FBXO36: variants seen among roughly 807,000 people sequenced by gnomAD.
The protein encoded by FBXO36 is F-box protein 36.
A neutral mutation model predicts 17.0 loss-of-function variants in FBXO36; 18 were observed. The observed-to-expected ratio is 1.06, with a 90% CI of 0.73 to 1.57. The LOEUF is 1.57. Among genes scored for constraint, FBXO36 ranks in the 40% most tolerant of loss-of-function variants. FBXO36 has a pLI of 0.00. For synonymous variants in FBXO36, 83 were observed against 85.3 expected (o/e 0.97, Z 0.15); for missense variants, 229 against 221.9 (o/e 1.03, Z -0.20).
chr2:229,942,756 C>T (rs2077006394), intron 1 of FBXO36: 3 of 152,280 alleles, frequency 2.0e-5, no homozygotes, highest in Admixed American at 1.3e-4. Flanking sequence ...TTCTGAGCCT[C>T]AAGTTCCATT....
At chr2:229,957,773 C>CT (rs2077096507) in intron 1 of FBXO36, among the ~76,000 whole-genome samples, 2 of 152,170 alleles carry the variant, frequency 1.3e-5, no homozygotes, top group Non-Finnish European at 2.9e-5. Context: ...AGTTAACTGT[C>CT]AGCTTCTCAA....
chr2:229,978,200 A>T (rs971112031), intron 2 of FBXO36, among the ~76,000 whole-genome samples: 1 of 152,124 alleles, frequency 6.6e-6, no homozygotes, highest in African/African-American at 2.4e-5. Context: ...AGGTGGGAGG[A>T]TTGCTTGAGC....
At chr2:229,960,219 C>T (rs192460603) in intron 1 of FBXO36, among the ~76,000 whole-genome samples, 3 of 152,142 alleles carry the variant, frequency 2.0e-5, no homozygotes, top group Admixed American at 6.6e-5. Context: ...GCTCTGTCAT[C>T]CAGGCTGTAG....
intron 1 of FBXO36, among the ~76,000 whole-genome samples, chr2:229,969,557 A>G (rs984410227): frequency 1.6e-4 from 25 of 152,104 alleles, no homozygotes; most frequent in African/African-American, 3.9e-4. Flanking sequence ...GCGTGGTGGC[A>G]CATGCCTGTA....
chr2:229,960,073 C>T (rs1032730163), intron 1 of FBXO36, among the ~76,000 whole-genome samples: 1 of 151,832 alleles, frequency 6.6e-6, no homozygotes, highest in Non-Finnish European at 1.5e-5. Flanking sequence ...TTCCTGTACC[C>T]TTTTCTGAAA....
Position 229,996,751 on chromosome 2 carries a change from G to A in FBXO36, c.206G>A (p.Gly69Asp). The part of the protein sequence containing the change: ...EDFLENSHLQ[G>D]QTALIFGARI... ...CCATGTTGGCTTCTTTGAATTACAG[G>A]TCAAACTGCCTTAATATTTGGTGCA... is the stretch of plus-strand genomic sequence containing the variant. The change falls in exon 3 of 4, where the codon GGT (glycine) becomes GAT (aspartate). Residue 69 changes from glycine to aspartate, a missense_variant and splice_region_variant. Gly to Asp is a moderately conservative substitution (Grantham distance 94). Coordinates refer to ENST00000283946, the MANE Select transcript of FBXO36 (RefSeq NM_174899.5). 6.2e-7 allele frequency: 1 copy of A among 1,605,422 alleles called. No individual in the cohort carries two copies. The highest frequency in any genetic ancestry group is 8.5e-7 in the Non-Finnish European group (1 of 1,176,740).
intron 2 of FBXO36, among the ~76,000 whole-genome samples, chr2:229,982,329 T>C (rs1319096872): frequency 1.3e-5 from 2 of 152,044 alleles, no homozygotes. Flanking sequence ...CCCAGCCTCC[T>C]TCCTCTATCT....
At chr2:229,955,010 C>T (rs897835393) in intron 1 of FBXO36, among the ~76,000 whole-genome samples, 6 of 151,846 alleles carry the variant, frequency 4.0e-5, no homozygotes, top group Non-Finnish European at 5.9e-5. Context: ...CCACCACGCC[C>T]GGCTAATATT....
At chr2:230,009,424 C>T (rs748247415) in intron 3 of FBXO36, among the ~76,000 whole-genome samples, 1 of 152,238 alleles carries the variant, frequency 6.6e-6, no homozygotes, top group Non-Finnish European at 1.5e-5. Flanking sequence ...CCTTCAGCAG[C>T]ATCCACACTG....
intron 1 of FBXO36, among the ~76,000 whole-genome samples, chr2:229,962,783 T>C (rs956591327): frequency 1.3e-5 from 2 of 151,642 alleles, no homozygotes; most frequent in African/African-American, 4.9e-5. Context: ...GTTCAAGCGA[T>C]TCTCCTGCCT....
chr2:229,958,004 A>C (rs1187805616), intron 1 of FBXO36, among the ~76,000 whole-genome samples: 2 of 152,150 alleles, frequency 1.3e-5, no homozygotes, highest in East Asian at 3.9e-4. Context: ...GGTATATCCC[A>C]AGATGAATTT....
intron 1 of FBXO36, among the ~76,000 whole-genome samples, chr2:229,954,490 G>T (rs189433708): frequency 3.4e-5 from 5 of 148,192 alleles, no homozygotes; most frequent in Admixed American, 2.7e-4. Context: ...TGATCTGCCC[G>T]CTTCGGCCTC....
rs150333331 is a variant in FBXO36, at chr2:229,979,983, A to G, written c.205+3634A>G. Among the ~76,000 whole-genome samples the G allele has an allele frequency of 8.5e-5, 13 of 152,286 alleles. No individual in the cohort carries two copies. In the East Asian group the frequency reaches 2.3e-3, roughly 27 times the overall value. ...TTAACTGTGGACCAGACATGTTTCT[A>G]TGCAGCTCACTATAAAGTAAACTTC... On this transcript the variant is annotated intron_variant, in intron 2 of 3. Transcript: ENST00000283946.
chr2:229,995,742 G>A (rs1230352906), intron 2 of FBXO36, among the ~76,000 whole-genome samples: 1 of 151,610 alleles, frequency 6.6e-6, no homozygotes, highest in Non-Finnish European at 1.5e-5. Context: ...ACAGGCATGT[G>A]CCACCACGCC....
At chr2:229,961,666 G>A (rs943905798) in intron 1 of FBXO36, among the ~76,000 whole-genome samples, 5 of 152,068 alleles carry the variant, frequency 3.3e-5, no homozygotes, top group African/African-American at 7.2e-5. Flanking sequence ...GAGCCACTGC[G>A]CCCAGCCACA....
intron 3 of FBXO36, among the ~76,000 whole-genome samples, chr2:230,001,698 T>G (rs556331067): frequency 6.6e-6 from 1 of 152,370 alleles, no homozygotes; most frequent in African/African-American, 2.4e-5. Context: ...AGCTCCTTCC[T>G]CTTTACCTCA....
chr2:230,002,373 C>T (rs1978591), intron 3 of FBXO36, among the ~76,000 whole-genome samples: 2,066 of 151,418 alleles, frequency 0.014, 34 homozygotes, highest in Non-Finnish European at 0.017. Context: ...TTTTCCCCCC[C>T]GTACGTTAAT....
chr2:229,947,613 T>A (rs1015883784), intron 1 of FBXO36, among the ~76,000 whole-genome samples: 2 of 152,224 alleles, frequency 1.3e-5, no homozygotes, highest in East Asian at 3.9e-4. Context: ...AGCTTTCTTA[T>A]TAGATTTTGT....
intron 3 of FBXO36, among the ~76,000 whole-genome samples, chr2:230,000,224 G>A (rs1008753908): frequency 6.6e-6 from 1 of 151,884 alleles, no homozygotes; most frequent in Non-Finnish European, 1.5e-5. Context: ...TGGGCCTGGT[G>A]GCACAGGCCT....
Sources: allele counts gnomAD v4.1 joint callset (sites outside exome capture counted in the v4.1 genomes callset), GRCh38; gene constraint gnomAD v4.1.1; transcripts MANE v1.5; gene names NCBI Gene and HGNC (gene_info 2026-07-23, HGNC 2026-07-21).